GLI3: variants seen among roughly 807,000 people sequenced by gnomAD.
The protein encoded by GLI3 is transcription activator GLI3.
In GLI3, 20 loss-of-function variants were observed where a neutral mutation model predicts 100.8. That is an observed-to-expected ratio of 0.20 (90% CI 0.14 to 0.29). The LOEUF is 0.29. Ranked by LOEUF, GLI3 falls within the 10% of genes least tolerant of loss-of-function variation. GLI3 has a pLI of 1.00. For missense variants in GLI3, 2,040 were observed against 2,128.5 expected (o/e 0.96, Z 0.82); for synonymous variants, 938 against 860.5 (o/e 1.09, Z -1.58).
At chr7:42,170,266 TTA>T (rs148558582) in intron 2 of GLI3, among the ~76,000 whole-genome samples, 75,319 of 137,122 alleles carry the variant, frequency 0.55, 21,037 homozygotes, top group African/African-American at 0.67. Flanking sequence ...AAAAAAAAAA[TTA>T]TATATATATA....
intron 2 of GLI3, among the ~76,000 whole-genome samples, chr7:42,180,388 T>C (rs1787568823): frequency 1.3e-5 from 2 of 152,184 alleles, no homozygotes; most frequent in African/African-American, 2.4e-5. Flanking sequence ...CGAGCTCCAA[T>C]GGCCCTGTGA....
At chr7:41,993,759 C>A (rs984796044) in intron 10 of GLI3, among the ~76,000 whole-genome samples, 2 of 152,136 alleles carry the variant, frequency 1.3e-5, no homozygotes, top group African/African-American at 4.8e-5. Context: ...TACTCCCAAC[C>A]GGCTGCCTGC....
intron 2 of GLI3, among the ~76,000 whole-genome samples, chr7:42,209,437 T>C (rs1359773776): frequency 2.0e-5 from 3 of 152,236 alleles, no homozygotes; most frequent in Non-Finnish European, 2.9e-5. Flanking sequence ...GATGGACCCA[T>C]ACATGTGATG....
chr7:42,060,313 G>C (rs1474930028), intron 4 of GLI3, among the ~76,000 whole-genome samples: 1 of 152,166 alleles, frequency 6.6e-6, no homozygotes, highest in Non-Finnish European at 1.5e-5. Flanking sequence ...TAGGGAGTGA[G>C]CTGTTTGTGG....
At chr7:42,238,514 C>A (rs7778889), upstream of GLI3, among the ~76,000 whole-genome samples, 1 of 151,682 alleles carries the variant, frequency 6.6e-6, no homozygotes, top group South Asian at 2.1e-4. Context: ...GAGCTCCCAC[C>A]ACACAGCCTG....
intron 3 of GLI3, among the ~76,000 whole-genome samples, chr7:42,085,051 A>G (rs2128754371): frequency 6.6e-6 from 1 of 151,972 alleles, no homozygotes; most frequent in Non-Finnish European, 1.5e-5. Flanking sequence ...AGCTGGGATT[A>G]CAGGTGCCCA....
intron 3 of GLI3, among the ~76,000 whole-genome samples, chr7:42,115,342 A>G (rs187805692): frequency 3.3e-5 from 5 of 151,640 alleles, no homozygotes; most frequent in African/African-American, 7.3e-5. Context: ...GTTTCACCAT[A>G]TTGGCCAGGC....
intron 2 of GLI3, among the ~76,000 whole-genome samples, chr7:42,200,818 G>A (rs1399115542): frequency 6.6e-6 from 1 of 150,476 alleles, no homozygotes; most frequent in African/African-American, 2.4e-5. Context: ...AAAAAAAATA[G>A]GCATTTATAT....
intron 2 of GLI3, among the ~76,000 whole-genome samples, chr7:42,203,411 C>G (rs1255988268): frequency 6.6e-6 from 1 of 152,186 alleles, no homozygotes; most frequent in Admixed American, 6.5e-5. Context: ...GCCCCATCCT[C>G]TGGTTACCTA....
At position 42,145,731 on chromosome 7, in the gene GLI3, T is replaced by G. The variant is rs529738267; in HGVS notation, c.367+2495A>C. On this transcript the variant is annotated intron_variant, in intron 3 of 14. Transcript: ENST00000395925. ...TTGATGATGATGAGGAGGAGGAGGA[T>G]GATGATGTAGAAGAGAAGGAAAAAA... 3.7e-4 allele frequency: 148 copies of G among 396,608 alleles called. 2 individuals carry two copies. In the East Asian group the frequency reaches 4.1e-3, roughly 11 times the overall value. The allele number at this position is 396,608 out of a possible 1,614,324, so 24.6% of individuals were successfully genotyped here.
chr7:41,975,550 A>G (rs983098880), intron 12 of GLI3, among the ~76,000 whole-genome samples: 3 of 152,228 alleles, frequency 2.0e-5, no homozygotes, highest in African/African-American at 4.8e-5. Flanking sequence ...TTAGTAATTT[A>G]AGTAAATTGC....
At chr7:41,990,003 A>C (rs1787938362) in intron 10 of GLI3, among the ~76,000 whole-genome samples, 4 of 149,924 alleles carry the variant, frequency 2.7e-5, no homozygotes, top group Non-Finnish European at 6.0e-5. Flanking sequence ...AAAAAAAAAA[A>C]AAAAAGGAAA....
chr7:41,965,488 G>A lies in GLI3; in HGVS notation c.3585C>T (p.Asn1195=), dbSNP rs765946554. 5 of 1,608,952 alleles carry A rather than the reference G, an allele frequency of 3.1e-6. No individual in the cohort carries two copies. The highest frequency in any genetic ancestry group is 3.3e-5 in the Admixed American group (2 of 59,934). The change falls in exon 15 of 15, where the codon AAC becomes AAT. Residue 1195 remains asparagine, a synonymous_variant. Transcript: ENST00000395925. ...VPQTRAFGFC[N]GMVVHPQNPL... ...GGTTCTGCGGGTGGACGACCATGCCGTTGCAGAACCCAAAGGCGCGAGTCT... is the reference window on the plus strand; with the variant it reads ...GGTTCTGCGGGTGGACGACCATGCCATTGCAGAACCCAAAGGCGCGAGTCT...
At chr7:42,164,108 T>G (rs1038729739) in intron 2 of GLI3, among the ~76,000 whole-genome samples, 8 of 152,212 alleles carry the variant, frequency 5.3e-5, no homozygotes, top group African/African-American at 1.9e-4. Flanking sequence ...TCTAATTTAA[T>G]GGCTGAGTAG....
intron 3 of GLI3, among the ~76,000 whole-genome samples, chr7:42,123,728 G>A (rs1470395241): frequency 1.3e-5 from 2 of 152,152 alleles, no homozygotes; most frequent in Non-Finnish European, 2.9e-5. Context: ...ACAACTAGCT[G>A]TGCAAATGTA....
In GLI3 at chr7:41,967,740, A is replaced by G. The variant is rs2128707052; in HGVS notation, c.2287T>C (p.Leu763=). 2 of 1,614,164 alleles carry G rather than the reference A, an allele frequency of 1.2e-6. No individual in the cohort carries two copies. Among genetic ancestry groups the G allele is most frequent in the Non-Finnish European group, 1.7e-6 (2 of 1,180,030 alleles). ...CCTGCCGGGTTTCTCCTGGCTTGCA[A>G]AGCAAGGGCTGTGGTTGCAGTGGAA... ...TISTATTALA[L]QARRNPAGTK... Residue 763 remains leucine, a synonymous_variant, in exon 14 of 15, where the codon TTG becomes CTG. Transcript: ENST00000395925.
Position 41,967,731 on chromosome 7 carries a change from T to C in GLI3, c.2296A>G (p.Arg766Gly). 1 of 1,614,212 alleles carries C rather than the reference T, an allele frequency of 6.2e-7. No homozygotes were observed. The highest frequency in any genetic ancestry group is 8.5e-7 in the Non-Finnish European group (1 of 1,180,040). ...CATTTGGTCCCTGCCGGGTTTCTCC[T>C]GGCTTGCAAAGCAAGGGCTGTGGTT... ...TATTALALQA[R>G]RNPAGTKWME... Residue 766 changes from arginine to glycine, a missense_variant, in exon 14 of 15, where the codon AGG becomes GGG. Physicochemically the swap from Arg to Gly is moderately radical, Grantham distance 125. Transcript: ENST00000395925.
rs564016634 is a variant in GLI3 at position 42,248,678 on chromosome 7, A to G, written c.-43+15316T>C. Among the ~76,000 whole-genome samples the G allele has an allele frequency of 2.6e-5, 4 of 152,314 alleles. No homozygotes were observed. The East Asian group carries it at 7.7e-4, about 29-fold the overall frequency. The stretch of plus-strand genomic sequence containing the variant: ...GGATATGCATATAGTAGATGGAAAA[A>G]TTATTTCACCATCATGTGACCACAT... On this transcript the variant is annotated intron_variant, in intron 1 of 2. Coordinates refer to the GLI3 transcript ENST00000678978.
At chr7:42,182,692 GTATATATATATACACACA>G (rs1787639052) in intron 2 of GLI3, among the ~76,000 whole-genome samples, 1 of 93,246 alleles carries the variant, frequency 1.1e-5, no homozygotes, top group African/African-American at 5.3e-5. Flanking sequence ...ACACATGTGT[GTATATATATATACACACA>G]TATAAATACA....
Sources: allele counts gnomAD v4.1 joint callset (sites outside exome capture counted in the v4.1 genomes callset), GRCh38; gene constraint gnomAD v4.1.1; transcripts MANE v1.5; gene names NCBI Gene and HGNC (gene_info 2026-07-23, HGNC 2026-07-21).